The following LRRC8D variants were observed in gnomAD, a reference collection of about 807,000 sequenced individuals.
LRRC8D encodes volume-regulated anion channel subunit LRRC8D.
Under a neutral mutation model 55.8 loss-of-function variants are expected in LRRC8D, and 20 were observed. The ratio of observed to expected loss-of-function variants is 0.36; its 90% confidence interval spans 0.25 to 0.52. The LOEUF (loss-of-function observed/expected upper bound fraction) is 0.52. Among genes scored for constraint, LRRC8D ranks in the 20% least tolerant of loss-of-function variants. The pLI is 0.93. For missense variants in LRRC8D, 651 were observed against 1,030.8 expected (o/e 0.63, Z 5.05); for synonymous variants, 352 against 377.0 (o/e 0.93, Z 0.77).
chr1:89,865,868 T>A (rs1661828857), intron 2 of LRRC8D, among the ~76,000 whole-genome samples: 2 of 152,246 alleles, frequency 1.3e-5, no homozygotes, highest in African/African-American at 2.4e-5. Flanking sequence ...TAAATTTTAG[T>A]TCTTAGAGAT....
intron 2 of LRRC8D, among the ~76,000 whole-genome samples, chr1:89,918,386 C>A (rs1663327618): frequency 6.6e-6 from 1 of 152,230 alleles, no homozygotes; most frequent in South Asian, 2.1e-4. Context: ...TCACCACTAA[C>A]TGCAGAGTTA....
intron 2 of LRRC8D, among the ~76,000 whole-genome samples, chr1:89,925,330 A>C (rs1211729270): frequency 6.6e-6 from 1 of 152,174 alleles, no homozygotes; most frequent in Non-Finnish European, 1.5e-5. Flanking sequence ...CTGATTCCAC[A>C]TTATGGTGAG....
intron 2 of LRRC8D, among the ~76,000 whole-genome samples, chr1:89,880,639 T>C (rs977266223): frequency 2.0e-5 from 3 of 151,950 alleles, no homozygotes; most frequent in Admixed American, 1.3e-4. Flanking sequence ...AATCAGAAAA[T>C]AGAATTTAAA....
At chr1:89,824,855 A>T (rs554611676) in intron 1 of LRRC8D, among the ~76,000 whole-genome samples, 1 of 152,306 alleles carries the variant, frequency 6.6e-6, no homozygotes, top group East Asian at 1.9e-4. Flanking sequence ...CTGTTTGCTG[A>T]GACCTAAGCA....
intron 1 of LRRC8D, among the ~76,000 whole-genome samples, chr1:89,834,165 C>CAGAACA (rs1660950768): frequency 6.6e-6 from 1 of 152,176 alleles, no homozygotes; most frequent in Non-Finnish European, 1.5e-5. Context: ...TTCTTTATAA[C>CAGAACA]AGAACAAAAT....
intron 2 of LRRC8D, among the ~76,000 whole-genome samples, chr1:89,927,534 C>A (rs1663599019): frequency 6.6e-6 from 1 of 151,994 alleles, no homozygotes; most frequent in Non-Finnish European, 1.5e-5. Flanking sequence ...GAATATATAC[C>A]CGTGTTTCTT....
At chr1:89,882,301 T>G (rs2100852359) in intron 2 of LRRC8D, among the ~76,000 whole-genome samples, 1 of 152,400 alleles carries the variant, frequency 6.6e-6, no homozygotes. Context: ...GCTGTCATGG[T>G]AATTTATTTC....
At chr1:89,926,941 A>C (rs1320317166) in intron 2 of LRRC8D, among the ~76,000 whole-genome samples, 1 of 152,228 alleles carries the variant, frequency 6.6e-6, no homozygotes, top group African/African-American at 2.4e-5. Context: ...AAATAACAAC[A>C]CTTTGGCTGC....
intron 2 of LRRC8D, among the ~76,000 whole-genome samples, chr1:89,884,878 A>G (rs1349111595): frequency 6.6e-6 from 1 of 152,132 alleles, no homozygotes; most frequent in Non-Finnish European, 1.5e-5. Context: ...GAACTATTAC[A>G]GTTCCCACCT....
At chr1:89,864,003 A>G (rs559296852) in intron 2 of LRRC8D, among the ~76,000 whole-genome samples, 8 of 152,214 alleles carry the variant, frequency 5.3e-5, no homozygotes, top group Non-Finnish European at 8.8e-5. Context: ...GTTATGGCAT[A>G]AAGTGCAGAG....
At chr1:89,909,166 T>C (rs1663070289) in intron 2 of LRRC8D, among the ~76,000 whole-genome samples, 1 of 152,162 alleles carries the variant, frequency 6.6e-6, no homozygotes, top group Non-Finnish European at 1.5e-5. Context: ...GGCAGGAAGC[T>C]CTATGTGAGA....
intron 2 of LRRC8D, among the ~76,000 whole-genome samples, chr1:89,924,485 A>G (rs1663504595): frequency 1.3e-5 from 2 of 152,236 alleles, no homozygotes; most frequent in Admixed American, 1.3e-4. Flanking sequence ...AAATTAGTTC[A>G]GCCACTGTGG....
intron 1 of LRRC8D, among the ~76,000 whole-genome samples, chr1:89,831,799 C>T (rs995668584): frequency 3.3e-5 from 5 of 152,140 alleles, no homozygotes; most frequent in African/African-American, 1.2e-4. Context: ...GTCCAGAGAA[C>T]AGCTGATAGC....
chr1:89,894,320 A>C (rs535147351), intron 2 of LRRC8D, among the ~76,000 whole-genome samples: 1 of 152,348 alleles, frequency 6.6e-6, no homozygotes, highest in African/African-American at 2.4e-5. Flanking sequence ...TCAGACTAAG[A>C]CAGCCCCATA....
chr1:89,855,792 A>G (rs1006282682), intron 2 of LRRC8D, among the ~76,000 whole-genome samples: 3 of 152,222 alleles, frequency 2.0e-5, no homozygotes, highest in African/African-American at 7.2e-5. Flanking sequence ...TTGTTCATAA[A>G]TATGTTCTTC....
chr1:89,859,410 A>G (rs1661641856), intron 2 of LRRC8D, among the ~76,000 whole-genome samples: 1 of 152,178 alleles, frequency 6.6e-6, no homozygotes, highest in Non-Finnish European at 1.5e-5. Flanking sequence ...GACTGCTGAC[A>G]TTGCACCCTT....
chr1:89,844,138 T>G (rs1329670882), intron 2 of LRRC8D, among the ~76,000 whole-genome samples: 1 of 152,162 alleles, frequency 6.6e-6, no homozygotes, highest in Non-Finnish European at 1.5e-5. Flanking sequence ...AAGCAGCAGC[T>G]CTTTGTTCCT....
At chr1:89,869,423 G>A (rs1661939817) in intron 2 of LRRC8D, among the ~76,000 whole-genome samples, 1 of 152,154 alleles carries the variant, frequency 6.6e-6, no homozygotes, top group Non-Finnish European at 1.5e-5. Flanking sequence ...AGAATAAAAA[G>A]GAGCAAACAA....
At chr1:89,883,736 G>T (rs1295321731) in intron 2 of LRRC8D, among the ~76,000 whole-genome samples, 1 of 152,164 alleles carries the variant, frequency 6.6e-6, no homozygotes, top group Non-Finnish European at 1.5e-5. Context: ...TTGTTCAAGT[G>T]GTATAATTGA....
Sources: allele counts gnomAD v4.1 joint callset (sites outside exome capture counted in the v4.1 genomes callset), GRCh38; gene constraint gnomAD v4.1.1; transcripts MANE v1.5; gene names NCBI Gene and HGNC (gene_info 2026-07-23, HGNC 2026-07-21).